ADRA1B: variants seen among roughly 807,000 people sequenced by gnomAD.
ADRA1B encodes the protein alpha-1B adrenergic receptor.
ADRA1B carries 17 observed loss-of-function variants against 17.9 expected under a neutral mutation model. The ratio of observed to expected loss-of-function variants is 0.95; its 90% CI spans 0.65 to 1.42. The LOEUF (loss-of-function observed/expected upper bound fraction) is 1.42. Among genes scored for constraint, ADRA1B ranks in the 40% most tolerant of loss-of-function variants. ADRA1B has a pLI of 0.00. For synonymous variants in ADRA1B, 366 were observed against 327.6 expected (o/e 1.12, Z -1.27); for missense variants, 681 against 722.1 (o/e 0.94, Z 0.65).
intron 1 of ADRA1B, among the ~76,000 whole-genome samples, chr5:159,882,082 C>G (rs914793713): frequency 6.6e-6 from 1 of 152,174 alleles, no homozygotes; most frequent in South Asian, 2.1e-4. Context: ...TTCTTCCTCC[C>G]TGTGTGCATA....
At chr5:159,981,747 C>T in the ADRA1B span, among the ~76,000 whole-genome samples, 14 of 152,164 alleles carry the variant, frequency 9.2e-5, no homozygotes, top group Admixed American at 3.9e-4. Flanking sequence ...CCGCCCGCCT[C>T]GGCCTCCCAA....
At chr5:159,967,576 G>C (rs1755798031) in intron 1 of ADRA1B, among the ~76,000 whole-genome samples, 1 of 152,186 alleles carries the variant, frequency 6.6e-6, no homozygotes, top group African/African-American at 2.4e-5. Flanking sequence ...GGAAAATTGA[G>C]GCTGAGATGG....
chr5:159,893,948 C>T (rs1581022557), intron 1 of ADRA1B, among the ~76,000 whole-genome samples: 1 of 152,202 alleles, frequency 6.6e-6, no homozygotes, highest in African/African-American at 2.4e-5. Flanking sequence ...ATAGTGTGTC[C>T]AGTCTGGACC....
intron 1 of ADRA1B, chr5:159,948,135 C>T: frequency 1.6e-5 from 16 of 985,408 alleles, no homozygotes; most frequent in Non-Finnish European, 1.9e-5. Context: ...CATACCAGTT[C>T]CCTGGAGTTA....
chr5:159,957,140 G>A lies in ADRA1B; in HGVS notation c.950-14739G>A, dbSNP rs545977065. Among the ~76,000 whole-genome samples, 10 of 152,192 alleles carry A rather than the reference G, an allele frequency of 6.6e-5. No individual in the cohort carries two copies. In the South Asian group the frequency reaches 2.1e-3, roughly 32 times the overall value. On this transcript the variant is annotated intron_variant, in intron 1 of 1. Coordinates refer to ENST00000306675, the MANE Select transcript of ADRA1B (RefSeq NM_000679.4). ...GCCCGCTTTGGCCTCCCAAAGTGCT[G>A]GAATTACAGGTTTGAGCCACTGTCC...
chr5:159,974,386 G>C (rs191547016), downstream of ADRA1B, among the ~76,000 whole-genome samples: 43 of 152,322 alleles, frequency 2.8e-4, no homozygotes, highest in Admixed American at 6.5e-4. Context: ...CTGTATCCCA[G>C]CACTTTGGGA....
intron 1 of ADRA1B, among the ~76,000 whole-genome samples, chr5:159,957,019 T>C (rs1288196872): frequency 1.3e-5 from 2 of 151,992 alleles, no homozygotes; most frequent in Non-Finnish European, 2.9e-5. Flanking sequence ...ATTACAGGCA[T>C]GCACCACCAC....
intron 1 of ADRA1B, among the ~76,000 whole-genome samples, chr5:159,938,477 G>T (rs1421596572): frequency 2.6e-5 from 4 of 152,148 alleles, no homozygotes; most frequent in African/African-American, 9.7e-5. Context: ...CAAATCATTA[G>T]CGTAAGTGGA....
rs1211196500 is a variant in ADRA1B, at chr5:159,972,418, G to C, written c.1489G>C (p.Glu497Gln). 1.3e-6 allele frequency: 2 copies of C among 1,507,474 alleles called. No homozygotes were observed. The highest frequency in any genetic ancestry group is 4.1e-5 in the Admixed American group (2 of 48,478). The allele number at this position is 1,507,474 out of a possible 1,614,324, so 93.4% of individuals were successfully genotyped here. A position where few individuals can be genotyped will look rare whatever the true frequency, so the allele number is the denominator to read the frequency against. Reference protein sequence around the residue: ...TDGGASNGGCEAAADVANGQP... With the variant: ...TDGGASNGGCQAAADVANGQP... ...CGGCGGCGCCAGCAACGGAGGCTGC[G>C]AGGCCGCGGCCGACGTGGCCAACGG... Residue 497 changes from glutamate to glutamine, a missense_variant, in exon 2 of 2, where the codon GAG (glutamate) becomes CAG (glutamine). Glu to Gln is a conservative substitution (Grantham distance 29, BLOSUM62 2). Transcript: ENST00000306675.
intron 1 of ADRA1B, among the ~76,000 whole-genome samples, chr5:159,918,511 G>A (rs934286423): frequency 1.3e-5 from 2 of 152,244 alleles, no homozygotes; most frequent in Middle Eastern, 3.2e-3. Context: ...AAGATGACTA[G>A]AGGGTCACAC....
chr5:159,943,483 C>T (rs1332413276), intron 1 of ADRA1B, among the ~76,000 whole-genome samples: 1 of 152,110 alleles, frequency 6.6e-6, no homozygotes, highest in Admixed American at 6.5e-5. Flanking sequence ...TGAAAGAATG[C>T]CACACATGAA....
chr5:159,928,503 CAG>C (rs1754720029), intron 1 of ADRA1B, among the ~76,000 whole-genome samples: 1 of 152,130 alleles, frequency 6.6e-6, no homozygotes, highest in Non-Finnish European at 1.5e-5. Context: ...TGTTCAGAAA[CAG>C]AATGTTCTAG....
chr5:159,962,031 C>G (rs1283762414), intron 1 of ADRA1B, among the ~76,000 whole-genome samples: 3 of 152,022 alleles, frequency 2.0e-5, no homozygotes, highest in African/African-American at 4.8e-5. Context: ...AATCCTGTCT[C>G]TATCAAAAAA....
chr5:159,900,104 C>T (rs1337491860), intron 1 of ADRA1B, among the ~76,000 whole-genome samples: 1 of 152,192 alleles, frequency 6.6e-6, no homozygotes, highest in Non-Finnish European at 1.5e-5. Flanking sequence ...GCCAGCCTGA[C>T]CTTCTGCCAG....
intron 1 of ADRA1B, among the ~76,000 whole-genome samples, chr5:159,884,410 C>T (rs1753900996): frequency 6.6e-6 from 1 of 152,148 alleles, no homozygotes; most frequent in Non-Finnish European, 1.5e-5. Context: ...ATTATGGAAG[C>T]AGGTTCCTGA....
intron 1 of ADRA1B, among the ~76,000 whole-genome samples, chr5:159,957,615 C>T (rs1436893034): frequency 1.3e-5 from 2 of 150,766 alleles, no homozygotes; most frequent in Non-Finnish European, 3.0e-5. Context: ...TGAGTTTTCT[C>T]TTATTTATTT....
chr5:159,879,380 G>A (rs75111849), intron 1 of ADRA1B, among the ~76,000 whole-genome samples: 2,596 of 152,230 alleles, frequency 0.017, 64 homozygotes, highest in African/African-American at 0.06. Context: ...CTGTAAGCAC[G>A]ACGGTGGGAA....
At chr5:159,907,322 C>T (rs543591452) in intron 1 of ADRA1B, among the ~76,000 whole-genome samples, 6 of 152,262 alleles carry the variant, frequency 3.9e-5, no homozygotes, top group Admixed American at 3.9e-4. Context: ...TCAGAAGTTG[C>T]CTCTCAAAGG....
chr5:159,890,626 G>A (rs555861886), intron 1 of ADRA1B, among the ~76,000 whole-genome samples: 83 of 152,230 alleles, frequency 5.5e-4, no homozygotes, highest in African/African-American at 1.8e-3. Flanking sequence ...GGCCTAGCAC[G>A]GACCATCAAG....
Sources: allele counts gnomAD v4.1 joint callset (sites outside exome capture counted in the v4.1 genomes callset), GRCh38; gene constraint gnomAD v4.1.1; transcripts MANE v1.5; gene names NCBI Gene and HGNC (gene_info 2026-07-23, HGNC 2026-07-21).